Variants in TTC29 observed in about 807,000 individuals in gnomAD.
TTC29 encodes tetratricopeptide repeat domain 29, also known as tetratricopeptide repeat protein 29.
Under a neutral mutation model 58.1 loss-of-function variants are expected in TTC29, and 49 were observed. The observed-to-expected ratio is 0.84, with a 90% CI of 0.67 to 1.07. The LOEUF is 1.07. Among genes scored for constraint, TTC29 ranks in the 50% least tolerant of loss-of-function variants. TTC29 has a pLI of 0.00. For missense variants in TTC29, 582 were observed against 555.6 expected (o/e 1.05, Z -0.48); for synonymous variants, 209 against 196.8 (o/e 1.06, Z -0.52).
intron 8 of TTC29, among the ~76,000 whole-genome samples, chr4:146,854,275 G>A (rs543405015): frequency 3.1e-4 from 47 of 152,182 alleles, no homozygotes; most frequent in African/African-American, 1.1e-3. Context: ...TGAGTTCAAC[G>A]GTGCAAAAGC....
At chr4:146,767,486 G>C (rs2150070059) in intron 11 of TTC29, among the ~76,000 whole-genome samples, 1 of 151,982 alleles carries the variant, frequency 6.6e-6, no homozygotes, top group South Asian at 2.1e-4. Context: ...TCCCCTCCCA[G>C]ATAACAAAAT....
chr4:146,708,364 ATG>A (rs1485537092), intron 11 of TTC29, among the ~76,000 whole-genome samples: 9 of 133,892 alleles, frequency 6.7e-5, no homozygotes, highest in East Asian at 2.2e-4. Flanking sequence ...ATACACATGT[ATG>A]TGTGTGTATA....
intron 8 of TTC29, among the ~76,000 whole-genome samples, chr4:146,844,215 C>T (rs1329042945): frequency 6.6e-5 from 10 of 152,146 alleles, no homozygotes; most frequent in Non-Finnish European, 1.5e-5. Flanking sequence ...ATCTAAAACT[C>T]TCTCTTTAAA....
At chr4:146,882,812 G>A (rs184570195) in intron 6 of TTC29, among the ~76,000 whole-genome samples, 2 of 152,130 alleles carry the variant, frequency 1.3e-5, no homozygotes, top group East Asian at 3.9e-4. Context: ...GATGATTAAC[G>A]TGTTATTTTG....
At chr4:146,883,468 G>T (rs531240244) in intron 6 of TTC29, among the ~76,000 whole-genome samples, 1 of 152,054 alleles carries the variant, frequency 6.6e-6, no homozygotes, top group East Asian at 1.9e-4. Flanking sequence ...CCTGTTAAAG[G>T]TTATGGAATA....
chr4:146,932,817 G>T (rs541253478), intron 4 of TTC29, among the ~76,000 whole-genome samples: 4 of 152,262 alleles, frequency 2.6e-5, no homozygotes, highest in Non-Finnish European at 4.4e-5. Context: ...AGCACTTTGG[G>T]AGGCTGAAGT....
At chr4:146,799,880 C>T (rs1750091530) in intron 11 of TTC29, among the ~76,000 whole-genome samples, 1 of 152,058 alleles carries the variant, frequency 6.6e-6, no homozygotes, top group African/African-American at 2.4e-5. Context: ...TCTGAGATCT[C>T]CAAAAGGCCA....
intron 11 of TTC29, among the ~76,000 whole-genome samples, chr4:146,779,275 A>G (rs1280496818): frequency 6.6e-6 from 1 of 152,152 alleles, no homozygotes; most frequent in Non-Finnish European, 1.5e-5. Flanking sequence ...CATATTGAAG[A>G]GCAACTTCCA....
At chr4:146,874,328 T>C (rs1168683158) in intron 7 of TTC29, among the ~76,000 whole-genome samples, 2 of 152,132 alleles carry the variant, frequency 1.3e-5, no homozygotes, top group African/African-American at 2.4e-5. Context: ...ATTTTCCTTA[T>C]TACCTGACCA....
chr4:146,729,699 A>G (rs1259023082), intron 11 of TTC29, among the ~76,000 whole-genome samples: 3 of 152,120 alleles, frequency 2.0e-5, no homozygotes, highest in African/African-American at 7.2e-5. Flanking sequence ...AGGGTTGGGG[A>G]GGCCTCAGGA....
chr4:146,831,827 C>A (rs769672534), intron 9 of TTC29: 2 of 390,608 alleles, frequency 5.1e-6, no homozygotes, highest in South Asian at 3.8e-5. Context: ...TAAAGACCAT[C>A]AGTAACCAAA....
At chr4:146,765,216 T>A (rs903620665) in intron 11 of TTC29, among the ~76,000 whole-genome samples, 1 of 152,074 alleles carries the variant, frequency 6.6e-6, no homozygotes, top group South Asian at 2.1e-4. Flanking sequence ...ATTTAAAAAA[T>A]TTAGAACATT....
At chr4:146,911,454 C>T (rs1043621000) in intron 4 of TTC29, among the ~76,000 whole-genome samples, 51 of 152,134 alleles carry the variant, frequency 3.4e-4, no homozygotes, top group African/African-American at 1.1e-3. Context: ...AGAACAAAGA[C>T]GGATCAAGTA....
Position 146,722,688 on chromosome 4 carries a change from GGTTT to G in TTC29, c.1331-15141_1331-15138del, listed in dbSNP as rs1296862778. 1.1e-4 allele frequency among the ~76,000 whole-genome samples: 17 copies of G among 152,056 alleles called. No homozygotes were observed. The South Asian group carries it at 3.1e-3, about 28-fold the overall frequency. On this transcript the variant is annotated intron_variant, in intron 11 of 12. Transcript: ENST00000325106. Reference sequence around the variant, plus strand: ...AAAAAGTAACTCAAGATGGATTAAAGGTTTATTTTATTTTATTTTTATTTTTTTG... The same window carrying G: ...AAAAAGTAACTCAAGATGGATTAAAGATTTTATTTTATTTTTATTTTTTTG...
intron 4 of TTC29, among the ~76,000 whole-genome samples, chr4:146,935,049 TA>T (rs1488829367): frequency 4.6e-5 from 7 of 151,950 alleles, no homozygotes; most frequent in African/African-American, 1.7e-4. Flanking sequence ...TAGAAATGAA[TA>T]CCAGTGAGAT....
intron 11 of TTC29, among the ~76,000 whole-genome samples, chr4:146,732,693 A>G (rs979125569): frequency 6.6e-6 from 1 of 152,174 alleles, no homozygotes; most frequent in African/African-American, 2.4e-5. Flanking sequence ...TCATGTAGAT[A>G]TTGAAATGAC....
chr4:146,892,865 T>A (rs934740770), intron 6 of TTC29, among the ~76,000 whole-genome samples: 1 of 152,114 alleles, frequency 6.6e-6, no homozygotes, highest in Non-Finnish European at 1.5e-5. Flanking sequence ...TGTGCAAAAA[T>A]CACAAGCATT....
chr4:146,917,956 C>T (rs1000356326), intron 4 of TTC29, among the ~76,000 whole-genome samples: 1 of 150,266 alleles, frequency 6.7e-6, no homozygotes, highest in Non-Finnish European at 1.5e-5. Flanking sequence ...ATATAGCATT[C>T]TGTTTCAGTT....
At chr4:146,844,248 G>A (rs1299214938) in intron 8 of TTC29, among the ~76,000 whole-genome samples, 1 of 152,092 alleles carries the variant, frequency 6.6e-6, no homozygotes, top group Non-Finnish European at 1.5e-5. Context: ...AGATGGCTCT[G>A]AAACCTCAAA....
Sources: gnomAD v4.1 joint callset for allele counts (sites outside exome capture counted in the v4.1 genomes callset) on GRCh38, gnomAD v4.1.1 for gene constraint, MANE v1.5 for transcripts, NCBI Gene and HGNC (gene_info 2026-07-23, HGNC 2026-07-21) for gene names.